ADAM12: variants seen among roughly 807,000 people sequenced by gnomAD.
ADAM12 encodes the protein disintegrin and metalloproteinase domain-containing protein 12.
A neutral mutation model predicts 106.4 loss-of-function variants in ADAM12; 70 were observed. The ratio of observed to expected loss-of-function variants is 0.66; its 90% CI spans 0.54 to 0.80. The LOEUF (loss-of-function observed/expected upper bound fraction) is 0.80. Among genes scored for constraint, ADAM12 ranks in the 30% least tolerant of loss-of-function variants. The pLI is 0.00. For missense variants in ADAM12, 1,010 were observed against 1,171.9 expected, an observed-to-expected ratio of 0.86 and a Z score of 2.02; for synonymous variants, 420 against 433.5, an observed-to-expected ratio of 0.97 and a Z score of 0.39.
At chr10:126,358,541 C>T (rs977027724) in intron 1 of ADAM12, among the ~76,000 whole-genome samples, 13 of 152,166 alleles carry the variant, frequency 8.5e-5, no homozygotes, top group Admixed American at 6.5e-5. Context: ...ACATCATACT[C>T]AATGGTAAAA....
Position 126,118,050 on chromosome 10 carries a change from T to G in ADAM12, c.591A>C (p.Thr197=). The change falls in exon 6 of 23, where the codon ACA becomes ACC. Residue 197 remains threonine (T), a synonymous_variant. Transcript: ENST00000448723. ...AKNVFPPPSQ[T]WARRHKRETL... ...GTATCCCCCTTACCCTTCTTGCCCA[T>G]GTCTGAGAGGGTGGTGGAAACACAT... 6.2e-7 allele frequency: 1 copy of G among 1,614,116 alleles called. No individual in the cohort carries two copies. Among genetic ancestry groups the G allele is most frequent in the Non-Finnish European group, 8.5e-7 (1 of 1,179,972 alleles).
At chr10:126,110,081 T>G (rs929050968) in intron 6 of ADAM12, among the ~76,000 whole-genome samples, 14 of 152,188 alleles carry the variant, frequency 9.2e-5, no homozygotes, top group African/African-American at 1.2e-4. Context: ...GAGTTTAAGC[T>G]TTCTGCTGAA....
chr10:126,170,979 A>G (rs929823955), intron 3 of ADAM12, among the ~76,000 whole-genome samples: 1 of 152,216 alleles, frequency 6.6e-6, no homozygotes, highest in African/African-American at 2.4e-5. Context: ...ACAGTGGGCC[A>G]TTCATTGATG....
chr10:126,107,851 G>T (rs1353452601), intron 8 of ADAM12, among the ~76,000 whole-genome samples: 1 of 152,160 alleles, frequency 6.6e-6, no homozygotes, highest in Non-Finnish European at 1.5e-5. Flanking sequence ...GCCTATTTTA[G>T]GCTAAGGGTC....
In ADAM12 at chr10:126,311,754, C is replaced by T. The variant is rs569382009; in HGVS notation, c.186+18658G>A. On this transcript the variant is annotated intron_variant, in intron 2 of 22. Transcript: ENST00000448723. ...AGGAGGGTGGTGCACTGCAACTCCA[C>T]GGGGACAGCAGCTCCCACGCTCAGG... Among the ~76,000 whole-genome samples the T allele has an allele frequency of 1.9e-4, 29 of 152,246 alleles. No homozygotes were observed. The South Asian group carries it at 4.1e-3, about 22-fold the overall frequency.
At chr10:126,052,611 A>T (rs1476470139) in intron 14 of ADAM12, among the ~76,000 whole-genome samples, 1 of 152,160 alleles carries the variant, frequency 6.6e-6, no homozygotes, top group African/African-American at 2.4e-5. Context: ...GCCTGGGAGG[A>T]GAGTTGGACA....
intron 9 of ADAM12, among the ~76,000 whole-genome samples, chr10:126,100,686 G>A (rs936097906): frequency 2.6e-5 from 4 of 152,118 alleles, no homozygotes; most frequent in African/African-American, 9.7e-5. Flanking sequence ...CTGCACTCCA[G>A]CCTGGTGACA....
chr10:126,192,009 G>C (rs7895852), intron 3 of ADAM12, among the ~76,000 whole-genome samples: 41,183 of 151,728 alleles, frequency 0.27, 7,303 homozygotes, highest in East Asian at 0.51. Context: ...AACCTGATCT[G>C]GTGAGCACTT....
chr10:126,088,432 C>A (rs74232071), intron 11 of ADAM12, among the ~76,000 whole-genome samples: 1,952 of 152,018 alleles, frequency 0.013, 80 homozygotes, highest in East Asian at 0.087. Context: ...TGTGCATGGT[C>A]ACTTACACCT....
intron 4 of ADAM12, among the ~76,000 whole-genome samples, chr10:126,151,950 C>A (rs190445871): frequency 7.3e-5 from 11 of 149,682 alleles, no homozygotes; most frequent in Admixed American, 5.3e-4. Flanking sequence ...AATGTCTTGT[C>A]CATTTTATGA....
intron 3 of ADAM12, among the ~76,000 whole-genome samples, chr10:126,169,892 C>A: frequency 6.6e-6 from 1 of 152,368 alleles, no homozygotes; most frequent in South Asian, 2.1e-4. Context: ...CCCCTCCTCA[C>A]ACCAGCTGGT....
At chr10:126,136,843 A>G (rs1003370685) in intron 4 of ADAM12, among the ~76,000 whole-genome samples, 6 of 152,162 alleles carry the variant, frequency 3.9e-5, no homozygotes, top group African/African-American at 1.2e-4. Flanking sequence ...GAGCTTTTTC[A>G]TATTAATTTT....
At chr10:126,151,405 A>G (rs1956726812) in intron 4 of ADAM12, among the ~76,000 whole-genome samples, 1 of 152,206 alleles carries the variant, frequency 6.6e-6, no homozygotes, top group Admixed American at 6.5e-5. Context: ...AATGGATTAA[A>G]TTACCTTAGT....
At chr10:126,274,073 C>T (rs1959196462) in intron 3 of ADAM12, among the ~76,000 whole-genome samples, 1 of 152,192 alleles carries the variant, frequency 6.6e-6, no homozygotes. Context: ...CCTGGGAACT[C>T]ACTTCTGGCT....
In ADAM12 at chr10:126,066,413, C is replaced by A. The variant is rs775967646; in HGVS notation, c.1413+304G>T. On this transcript the variant is annotated intron_variant, in intron 13 of 22. Coordinates refer to ENST00000448723, the MANE Select transcript of ADAM12 (RefSeq NM_001288973.2). This position sits in a 1 kb window ranked among gnomAD's most constrained non-coding sequence, Gnocchi z 5.1. ...GCTCTTCTTGTCAGCATAGTAGAAC[C>A]CCATGTGCCTCTGACGGCACAAATG... Among the ~76,000 whole-genome samples the A allele has an allele frequency of 6.6e-6, 1 of 152,182 alleles. No homozygotes were observed. Among genetic ancestry groups the A allele is most frequent in the Non-Finnish European group, 1.5e-5 (1 of 68,036 alleles).
At chr10:126,244,519 T>C (rs1324944501) in intron 3 of ADAM12, among the ~76,000 whole-genome samples, 1 of 152,156 alleles carries the variant, frequency 6.6e-6, no homozygotes, top group Non-Finnish European at 1.5e-5. Context: ...ATGGTAGACA[T>C]GGTGGGAAGT....
chr10:126,191,144 G>A (rs1010635347), intron 3 of ADAM12, among the ~76,000 whole-genome samples: 2 of 151,900 alleles, frequency 1.3e-5, no homozygotes, highest in Non-Finnish European at 2.9e-5. Flanking sequence ...TGGGATTACA[G>A]GCGCCTGCCA....
intron 16 of ADAM12, among the ~76,000 whole-genome samples, chr10:126,048,509 G>T (rs1195268918): frequency 4.6e-5 from 7 of 152,098 alleles, no homozygotes; most frequent in Non-Finnish European, 1.0e-4. Context: ...TTCTGTCTCT[G>T]CCTCTGTCTT....
intron 11 of ADAM12, among the ~76,000 whole-genome samples, chr10:126,093,365 C>A (rs535940823): frequency 2.0e-5 from 3 of 152,078 alleles, no homozygotes; most frequent in Non-Finnish European, 4.4e-5. Context: ...TGAACCAAGT[C>A]GGGAGTGTCA....
Sources: allele counts gnomAD v4.1 joint callset (sites outside exome capture counted in the v4.1 genomes callset), GRCh38; gene constraint gnomAD v4.1.1; non-coding constraint Gnocchi (gnomAD v3.1); transcripts MANE v1.5; gene names NCBI Gene and HGNC (gene_info 2026-07-23, HGNC 2026-07-21).